Variants in SLC17A1 observed in about 807,000 individuals in gnomAD.
SLC17A1 encodes the protein sodium-dependent phosphate transport protein 1.
A neutral mutation model predicts 53.5 loss-of-function variants in SLC17A1; 51 were observed. The observed-to-expected ratio is 0.95, with a 90% confidence interval of 0.76 to 1.20. The LOEUF is 1.20. SLC17A1 is among the 50% of genes most tolerant of loss of function. The pLI is 0.00. For missense variants in SLC17A1, 538 were observed against 568.2 expected, an observed-to-expected ratio of 0.95 and a Z score of 0.54; for synonymous variants, 179 against 198.8, an observed-to-expected ratio of 0.90 and a Z score of 0.84.
the SLC17A1 span, among the ~76,000 whole-genome samples, chr6:25,749,187 C>T: frequency 3.3e-5 from 5 of 152,312 alleles, no homozygotes; most frequent in East Asian, 5.8e-4. Flanking sequence ...TGCGGCTTTC[C>T]GCAGTGCATT....
intron 10 of SLC17A1, among the ~76,000 whole-genome samples, chr6:25,801,455 C>A (rs1375996710): frequency 6.6e-6 from 1 of 152,152 alleles, no homozygotes; most frequent in Non-Finnish European, 1.5e-5. Context: ...ATCCTGGAAG[C>A]TCAAACCAAT....
chr6:25,818,278 G>C (rs1764429460), intron 6 of SLC17A1, among the ~76,000 whole-genome samples: 2 of 152,134 alleles, frequency 1.3e-5, no homozygotes, highest in African/African-American at 4.8e-5. Context: ...TTCTTTGAAG[G>C]CATCCTGCTC....
chr6:25,723,807 A>G, the SLC17A1 span, among the ~76,000 whole-genome samples: 3 of 152,288 alleles, frequency 2.0e-5, no homozygotes, highest in Non-Finnish European at 4.4e-5. Flanking sequence ...TTGGGGGGGA[A>G]AATAAGTCAA....
the SLC17A1 span, among the ~76,000 whole-genome samples, chr6:25,739,403 T>C: frequency 6.6e-6 from 1 of 152,110 alleles, no homozygotes; most frequent in Admixed American, 6.5e-5. Context: ...AATTTCAACA[T>C]GTGAATTGAG....
chr6:25,770,185 A>G, the SLC17A1 span: 1 of 1,614,076 alleles, frequency 6.2e-7, no homozygotes, highest in Non-Finnish European at 8.5e-7. Flanking sequence ...GGAGCCAAGT[A>G]TGTGGTTGGT....
the SLC17A1 span, among the ~76,000 whole-genome samples, chr6:25,724,396 C>T: frequency 6.6e-6 from 1 of 152,222 alleles, no homozygotes; most frequent in Non-Finnish European, 1.5e-5. Flanking sequence ...GCACTCCAGC[C>T]TGGGTGACAG....
chr6:25,781,629 C>T (rs533953064), downstream of SLC17A1, among the ~76,000 whole-genome samples: 2 of 152,224 alleles, frequency 1.3e-5, no homozygotes, highest in East Asian at 1.9e-4. Flanking sequence ...AACTTCTGCT[C>T]ATAGTGGAAA....
At chr6:25,730,423 A>G in the SLC17A1 span, among the ~76,000 whole-genome samples, 1 of 152,226 alleles carries the variant, frequency 6.6e-6, no homozygotes, top group African/African-American at 2.4e-5. Flanking sequence ...CAAATGCTGT[A>G]TGATCTCATA....
the SLC17A1 span, among the ~76,000 whole-genome samples, chr6:25,739,985 G>A: frequency 6.6e-6 from 1 of 152,104 alleles, no homozygotes; most frequent in African/African-American, 2.4e-5. Flanking sequence ...TTAAGATAAA[G>A]CCACTGGGAT....
intron 10 of SLC17A1, among the ~76,000 whole-genome samples, chr6:25,802,158 C>T (rs1763797834): frequency 1.3e-5 from 2 of 152,136 alleles, no homozygotes; most frequent in African/African-American, 4.8e-5. Context: ...ACTGCTCTGG[C>T]ATAAAGGCAA....
the SLC17A1 span, among the ~76,000 whole-genome samples, chr6:25,763,406 C>G: frequency 6.6e-6 from 1 of 152,224 alleles, no homozygotes; most frequent in South Asian, 2.1e-4. Context: ...GTATTTCTCA[C>G]AAATGCTTAG....
chr6:25,727,511 C>T, the SLC17A1 span, among the ~76,000 whole-genome samples: 1 of 151,568 alleles, frequency 6.6e-6, no homozygotes, highest in African/African-American at 2.4e-5. Context: ...CCTGCCTCAG[C>T]CTCCTGAGCA....
chr6:25,781,176 GAAAGAAAGA>G (rs1243436611), downstream of SLC17A1: 1 of 4,572 alleles, frequency 2.2e-4, no homozygotes, highest in Non-Finnish European at 9.4e-4. Context: ...ATGATTAGCA[GAAAGAAAGA>G]AAGAAAGAAA....
downstream of SLC17A1, chr6:25,779,299 T>A (rs1217308967): frequency 1.4e-6 from 2 of 1,424,368 alleles, no homozygotes; most frequent in Non-Finnish European, 1.9e-6. Flanking sequence ...AGACCCTGAC[T>A]ATGTAACGCT....
chr6:25,730,407 GA>G, the SLC17A1 span, among the ~76,000 whole-genome samples: 1 of 152,176 alleles, frequency 6.6e-6, no homozygotes, highest in Admixed American at 6.5e-5. Flanking sequence ...GCGAGGCACA[GA>G]AAGACAAATG....
At chr6:25,820,876 C>A (rs112335862) in intron 3 of SLC17A1, among the ~76,000 whole-genome samples, 1 of 127,074 alleles carries the variant, frequency 7.9e-6, no homozygotes, top group East Asian at 2.2e-4. Flanking sequence ...CCAGTCTGGG[C>A]GACAGAGTGA....
At chr6:25,769,307 AGGAATGG>A in the SLC17A1 span, 3 of 985,636 alleles carry the variant, frequency 3.0e-6, no homozygotes, top group South Asian at 1.7e-5. Context: ...ACTATGTGCC[AGGAATGG>A]CACAAGTACC....
the SLC17A1 span, chr6:25,726,734 A>C: frequency 1.9e-6 from 2 of 1,077,898 alleles, no homozygotes; most frequent in Admixed American, 4.9e-5. Context: ...GCGGCGTTTG[A>C]GGGCCGTGCC....
the SLC17A1 span, chr6:25,762,026 G>T: frequency 1.2e-6 from 2 of 1,613,202 alleles, no homozygotes; most frequent in South Asian, 1.1e-5. Flanking sequence ...CAATTTAAAC[G>T]TGGCTCAAGA....
Sources: gnomAD v4.1 joint callset for allele counts (sites outside exome capture counted in the v4.1 genomes callset) on GRCh38, gnomAD v4.1.1 for gene constraint, MANE v1.5 for transcripts, NCBI Gene and HGNC (gene_info 2026-07-23, HGNC 2026-07-21) for gene names.